Variants in SHLD1 observed in about 807,000 individuals in gnomAD.
The protein encoded by SHLD1 is RINN1-REV7-interacting novel NHEJ regulator 3.
SHLD1 carries 3 observed loss-of-function variants against 5.5 expected under a neutral mutation model. The observed-to-expected ratio is 0.54, with a 90% CI of 0.25 to 1.40. The LOEUF (loss-of-function observed/expected upper bound fraction) is 1.40. Among genes scored for constraint, SHLD1 ranks in the 40% most tolerant of loss-of-function variants. SHLD1 has a pLI of 0.15. For synonymous variants in SHLD1, 92 were observed against 94.3 expected (o/e 0.98, Z 0.14); for missense variants, 210 against 244.4 (o/e 0.86, Z 0.94).
chr20:5,796,285 A>AT (rs1230521568), intron 2 of SHLD1, among the ~76,000 whole-genome samples: 1 of 152,058 alleles, frequency 6.6e-6, no homozygotes, highest in Non-Finnish European at 1.5e-5. Context: ...TATCTAAAGT[A>AT]TTTTTTTAAT....
chr20:5,859,952 A>G (rs1158763690), intron 2 of SHLD1, among the ~76,000 whole-genome samples: 2 of 152,216 alleles, frequency 1.3e-5, no homozygotes, highest in East Asian at 3.8e-4. Flanking sequence ...ATCAAAGCAC[A>G]TTGACAATTT....
At position 5,860,245 on chromosome 20, in the gene SHLD1, G is replaced by T. The variant is rs541390786; in HGVS notation, c.179-2779G>T. On this transcript the variant is annotated intron_variant, in intron 2 of 2. Coordinates refer to ENST00000303142, the MANE Select transcript of SHLD1 (RefSeq NM_152504.4). ...TTCTAACAGCAGCATCATTTGTTAG[G>T]CAATTACCCAAGCTAAGGCTTCTTA... Among the ~76,000 whole-genome samples the T allele has an allele frequency of 3.9e-5, 6 of 152,270 alleles. No homozygotes were observed. In the South Asian group the frequency reaches 1.2e-3, roughly 32 times the overall value.
intron 2 of SHLD1, among the ~76,000 whole-genome samples, chr20:5,808,064 G>A (rs1010457452): frequency 1.2e-4 from 18 of 152,174 alleles, no homozygotes; most frequent in Admixed American, 7.9e-4. Context: ...GGCAGATCGC[G>A]AGGCCAGGAG....
intron 2 of SHLD1, among the ~76,000 whole-genome samples, chr20:5,844,001 A>C (rs2087897245): frequency 6.6e-6 from 1 of 152,198 alleles, no homozygotes. Flanking sequence ...TGTATCACGC[A>C]AATTTTAGAT....
At chr20:5,777,672 C>G (rs1282133470) in intron 2 of SHLD1, among the ~76,000 whole-genome samples, 2 of 149,864 alleles carry the variant, frequency 1.3e-5, no homozygotes, top group Non-Finnish European at 3.0e-5. Flanking sequence ...TGGGCCCAAG[C>G]GATCCTCCCG....
chr20:5,771,404 A>G (rs1296786608), intron 1 of SHLD1, among the ~76,000 whole-genome samples: 2 of 152,134 alleles, frequency 1.3e-5, no homozygotes, highest in Non-Finnish European at 2.9e-5. Context: ...GCCCAAACCT[A>G]TTCTTGAATC....
intron 2 of SHLD1, among the ~76,000 whole-genome samples, chr20:5,815,137 C>T (rs1036245162): frequency 3.3e-5 from 5 of 152,136 alleles, no homozygotes; most frequent in South Asian, 2.1e-4. Context: ...TGAGCAGATA[C>T]GCTTGTTGGA....
Position 5,856,048 on chromosome 20 carries a change from A to T in SHLD1, c.179-6976A>T, listed in dbSNP as rs146052897. Among the ~76,000 whole-genome samples, 352 of 152,348 alleles carry T rather than the reference A, an allele frequency of 2.3e-3. 2 individuals carry two copies. The highest frequency in any genetic ancestry group is 8.1e-3 in the African/African-American group (336 of 41,590). On this transcript the variant is annotated intron_variant, in intron 2 of 2. Transcript: ENST00000303142. ...GGTGAGGATGAACAGATCTACTTGTATATGTGTATACTTGTAGTATGACAC... is the reference window on the plus strand; with the variant it reads ...GGTGAGGATGAACAGATCTACTTGTTTATGTGTATACTTGTAGTATGACAC...
At chr20:5,778,257 C>T (rs1985528371) in intron 2 of SHLD1, among the ~76,000 whole-genome samples, 1 of 150,036 alleles carries the variant, frequency 6.7e-6, no homozygotes, top group South Asian at 2.1e-4. Flanking sequence ...GCTAGGACTA[C>T]AGGTGCCCAC....
In SHLD1 at chr20:5,823,863, C is replaced by T. The variant is rs902356051; in HGVS notation, c.179-39161C>T. On this transcript the variant is annotated intron_variant, in intron 2 of 2. Coordinates refer to ENST00000303142, the MANE Select transcript of SHLD1 (RefSeq NM_152504.4). ...TGCCTGCATCTGTCCCCATAGGCCACCTCTAGAATGTGTTCCAAATAGAGT... is the reference window on the plus strand; with the variant it reads ...TGCCTGCATCTGTCCCCATAGGCCATCTCTAGAATGTGTTCCAAATAGAGT... Among the ~76,000 whole-genome samples, 13 of 152,288 alleles carry T rather than the reference C, an allele frequency of 8.5e-5. No homozygotes were observed. The East Asian group carries it at 1.4e-3, about 16-fold the overall frequency.
chr20:5,784,211 G>A (rs754010903), intron 2 of SHLD1, among the ~76,000 whole-genome samples: 18 of 151,180 alleles, frequency 1.2e-4, no homozygotes, highest in Non-Finnish European at 2.4e-4. Context: ...TTTTCCACAT[G>A]GGGAAGTTGA....
intron 2 of SHLD1, among the ~76,000 whole-genome samples, chr20:5,832,797 TAATAAATAAATAAATAAATAAATA>T (rs56210743): frequency 8.3e-5 from 12 of 143,856 alleles, no homozygotes; most frequent in East Asian, 4.1e-4. Flanking sequence ...GAAATCAAAA[TAATAAATAAATAAATAAATAAATA>T]AATAAATAAA....
intron 2 of SHLD1, among the ~76,000 whole-genome samples, chr20:5,849,398 A>T (rs1352467360): frequency 6.6e-6 from 1 of 152,218 alleles, no homozygotes; most frequent in Non-Finnish European, 1.5e-5. Context: ...ATTGGCTTGG[A>T]GTGTCATAGG....
chr20:5,801,363 A>G (rs2087291891), intron 2 of SHLD1, among the ~76,000 whole-genome samples: 1 of 152,164 alleles, frequency 6.6e-6, no homozygotes, highest in Admixed American at 6.5e-5. Flanking sequence ...GGCATGAGCC[A>G]CCATGCCTGG....
At chr20:5,758,222 C>T (rs1320210735) in intron 1 of SHLD1, among the ~76,000 whole-genome samples, 5 of 146,104 alleles carry the variant, frequency 3.4e-5, no homozygotes, top group Non-Finnish European at 7.5e-5. Context: ...GATGCAGGGA[C>T]AGTGAGGGGG....
rs999711381 is a variant in SHLD1, at chr20:5,837,470, C to G, written c.179-25554C>G. Among the ~76,000 whole-genome samples the G allele has an allele frequency of 7.2e-5, 11 of 152,022 alleles. 1 individual carries two copies. Among genetic ancestry groups the G allele is most frequent in the Admixed American group, 3.9e-4 (6 of 15,272 alleles). ...GATGCTCTCCCTCCCCCCACACACCCCCCACCTCCAACAGGCCCCGCTGTG... is the reference window on the plus strand; with the variant it reads ...GATGCTCTCCCTCCCCCCACACACCGCCCACCTCCAACAGGCCCCGCTGTG... On this transcript the variant is annotated intron_variant, in intron 2 of 2. Transcript: ENST00000303142.
intron 2 of SHLD1, among the ~76,000 whole-genome samples, chr20:5,824,029 C>G (rs868038554): frequency 6.6e-6 from 1 of 152,230 alleles, no homozygotes; most frequent in Non-Finnish European, 1.5e-5. Context: ...AATGTCACTT[C>G]CACCTGCTTA....
rs570675566 is a variant in SHLD1, at chr20:5,860,994, C to T, written c.179-2030C>T. On this transcript the variant is annotated intron_variant, in intron 2 of 2. Transcript: ENST00000303142. The stretch of plus-strand genomic sequence containing the variant: ...CCCTGCTATCGAATTTTTTACAAAG[C>T]GTGTTCTCTGTTTTGGGTGCCCCCT... Among the ~76,000 whole-genome samples the T allele has an allele frequency of 3.6e-4, 54 of 150,632 alleles. No individual in the cohort carries two copies. The South Asian group carries it at 5.9e-3, about 16-fold the overall frequency.
intron 2 of SHLD1, among the ~76,000 whole-genome samples, chr20:5,844,490 G>T (rs1046777451): frequency 1.3e-5 from 2 of 152,080 alleles, no homozygotes; most frequent in Admixed American, 6.6e-5. Context: ...ACCAGCCTGG[G>T]CTTCTGTGTT....
Sources: allele counts gnomAD v4.1 joint callset (sites outside exome capture counted in the v4.1 genomes callset), GRCh38; gene constraint gnomAD v4.1.1; transcripts MANE v1.5; gene names NCBI Gene and HGNC (gene_info 2026-07-23, HGNC 2026-07-21).